LPIN1: variants seen among roughly 807,000 people sequenced by gnomAD.
The protein encoded by LPIN1 is lipin 1, also known as phosphatidate phosphatase LPIN1.
LPIN1 carries 71 observed loss-of-function variants against 107.5 expected under a neutral mutation model. The ratio of observed to expected loss-of-function variants is 0.66; its 90% CI spans 0.55 to 0.80. The LOEUF (loss-of-function observed/expected upper bound fraction) is 0.80, where lower values mean the gene tolerates loss of function less well. LPIN1 is among the 30% of genes least tolerant of loss of function. The pLI, the probability that LPIN1 is intolerant of heterozygous loss-of-function variation, is 0.00. For synonymous variants in LPIN1, 445 were observed against 452.6 expected (o/e 0.98, Z 0.21); for missense variants, 1,043 against 1,160.6 (o/e 0.90, Z 1.47).
rs1662638069 is a variant in LPIN1 at position 11,697,342 on chromosome 2, A to G, written c.82-16414A>G. ...CAGCCCTGAGCTCTGTCTTTGCTCC[A>G]GGCTGGAACAGCAAGCAAGCAGCTC... On this transcript the variant is annotated intron_variant, in intron 1 of 21. Coordinates refer to the LPIN1 transcript ENST00000449576. The surrounding 1 kb of genome is among the most constrained non-coding windows in gnomAD (Gnocchi z 4.6). Among the ~76,000 whole-genome samples the G allele has an allele frequency of 6.6e-6, 1 of 152,226 alleles. No homozygotes were observed. The highest frequency in any genetic ancestry group is 2.4e-5 in the African/African-American group (1 of 41,462).
chr2:11,772,405 C>A (rs977967381), intron 4 of LPIN1, among the ~76,000 whole-genome samples: 2 of 152,168 alleles, frequency 1.3e-5, no homozygotes, highest in Non-Finnish European at 2.9e-5. Context: ...TGGCTGATCG[C>A]TTTAGCAGCC....
rs530945546 is a variant in LPIN1 at position 11,753,197 on chromosome 2, A to G, written c.-10+6526A>G. Among the ~76,000 whole-genome samples the G allele has an allele frequency of 6.7e-5, 8 of 119,740 alleles. No homozygotes were observed. In the South Asian group the frequency reaches 1.9e-3, roughly 29 times the overall value. The allele number at this position is 119,740 out of a possible 152,430, so 78.6% of individuals were successfully genotyped here. A position where few individuals can be genotyped will look rare whatever the true frequency, so the allele number is the denominator to read the frequency against. ...AGCTGCAAAATTTCCCACCTGCCTA[A>G]CACAGGCAGGGCTTTGGTGGCGGGA... is the stretch of plus-strand genomic sequence containing the variant. On this transcript the variant is annotated intron_variant, in intron 1 of 20. Coordinates refer to ENST00000674199, the MANE Select transcript of LPIN1 (RefSeq NM_001349206.2).
chr2:11,760,743 G>A (rs1669689378), intron 1 of LPIN1, among the ~76,000 whole-genome samples: 1 of 152,144 alleles, frequency 6.6e-6, no homozygotes, highest in South Asian at 2.1e-4. Context: ...TGTTAATGCT[G>A]CCCTTATGTC....
chr2:11,693,497 C>T (rs182701994), intron 1 of LPIN1, among the ~76,000 whole-genome samples: 5 of 152,216 alleles, frequency 3.3e-5, no homozygotes, highest in Admixed American at 1.3e-4. Context: ...TCTGCATTCT[C>T]AACAAGCACC....
chr2:11,792,282 A>G, intron 13 of LPIN1: 2 of 342,858 alleles, frequency 5.8e-6, no homozygotes, highest in Non-Finnish European at 1.1e-5. Flanking sequence ...TTCGTCATCT[A>G]TAAAAGAAGG....
At chr2:11,724,022 T>C (rs1483986785), upstream of LPIN1, 1 of 152,252 alleles carries the variant, frequency 6.6e-6, no homozygotes, top group East Asian at 1.9e-4. Flanking sequence ...CTCAGTTTTT[T>C]GGAGTGCAGC....
intron 1 of LPIN1, among the ~76,000 whole-genome samples, chr2:11,736,934 G>A (rs1340756311): frequency 1.3e-5 from 2 of 152,242 alleles, no homozygotes; most frequent in African/African-American, 4.8e-5. Flanking sequence ...TGGACTACAA[G>A]GCTGGGGAAA....
intron 11 of LPIN1, among the ~76,000 whole-genome samples, chr2:11,787,551 C>T (rs943942390): frequency 6.6e-6 from 1 of 151,868 alleles, no homozygotes; most frequent in African/African-American, 2.4e-5. Context: ...CAGGTGTGAG[C>T]CACTACACCC....
chr2:11,779,418 G>C (rs1437599363), intron 6 of LPIN1, 101 bp from the exon 7 acceptor site: 6 of 1,243,814 alleles, frequency 4.8e-6, no homozygotes, highest in Non-Finnish European at 7.0e-6. Context: ...AACGACAGCT[G>C]GGGGTGCATT....
At chr2:11,764,072 GTGTGTGTATATATATATATA>G (rs1446897844) in intron 1 of LPIN1, 1 of 76,922 alleles carries the variant, frequency 1.3e-5, no homozygotes, top group Non-Finnish European at 2.6e-5. Context: ...GTGTGTGTGT[GTGTGTGTATATATATATATA>G]TATATATATA....
At position 11,755,103 on chromosome 2, in the gene LPIN1, C is replaced by T. The variant is rs182420871; in HGVS notation, c.-10+8432C>T. On this transcript the variant is annotated intron_variant, in intron 1 of 20. Transcript: ENST00000674199. ...GCCTCAGCCTCCCAAGTAGCTGGGA[C>T]TACAGGCGCCCGCCACCATGCCCGG... Among the ~76,000 whole-genome samples, 804 of 151,696 alleles carry T rather than the reference C, an allele frequency of 5.3e-3. 13 individuals carry two copies. The highest frequency in any genetic ancestry group is 0.018 in the African/African-American group (763 of 41,326).
At chr2:11,792,068 T>A in intron 13 of LPIN1, 62 bp downstream of exon 13, 1 of 1,346,386 alleles carries the variant, frequency 7.4e-7, no homozygotes, top group Non-Finnish European at 1.1e-6. Flanking sequence ...GTAGTGAGAT[T>A]GGTTTTCATG....
At chr2:11,822,061 A>G (rs1230186252) in intron 20 of LPIN1, among the ~76,000 whole-genome samples, 1 of 152,000 alleles carries the variant, frequency 6.6e-6, no homozygotes, top group East Asian at 1.9e-4. Flanking sequence ...CTGGGTTTCT[A>G]TTTAGGATCT....
At position 11,697,885 on chromosome 2, in the gene LPIN1, C is replaced by T. The variant is rs1662668797; in HGVS notation, c.82-15871C>T. 6.6e-6 allele frequency among the ~76,000 whole-genome samples: 1 copy of T among 152,146 alleles called. No homozygotes were observed. Among genetic ancestry groups the T allele is most frequent in the Non-Finnish European group, 1.5e-5 (1 of 68,028 alleles). ...GAGTGTGCTCAGAAATGCAGGTTCT[C>T]CCGAGGGGCAGCCCTCAGTCACAAG... On this transcript the variant is annotated intron_variant, in intron 1 of 21. Transcript: ENST00000449576. The surrounding 1 kb of genome is among the most constrained non-coding windows in gnomAD (Gnocchi z 4.6).
chr2:11,701,779 G>T (rs966273339), intron 1 of LPIN1, among the ~76,000 whole-genome samples: 1 of 152,210 alleles, frequency 6.6e-6, no homozygotes, highest in Non-Finnish European at 1.5e-5. Context: ...TAACCAGTCC[G>T]ATTCTAAAGC....
At chr2:11,811,017 G>A (rs1362175627) in intron 17 of LPIN1, among the ~76,000 whole-genome samples, 1 of 152,098 alleles carries the variant, frequency 6.6e-6, no homozygotes, top group Non-Finnish European at 1.5e-5. Context: ...AATGCTAGAG[G>A]AACAGGGGTG....
upstream of LPIN1, chr2:11,746,487 C>T (rs938660696): frequency 2.4e-5 from 5 of 211,474 alleles, no homozygotes; most frequent in South Asian, 3.4e-4. Context: ...CGGGCAGGGC[C>T]GGCCAGCAGG....
At chr2:11,746,790 CGG>C in intron 1 of LPIN1, 119 bp downstream of exon 1, 2 of 399,070 alleles carry the variant, frequency 5.0e-6, no homozygotes, top group Non-Finnish European at 6.8e-6. Flanking sequence ...GGCTCGGCCC[CGG>C]GGCCCGAGGA....
chr2:11,710,287 C>G (rs1247234770), intron 1 of LPIN1, among the ~76,000 whole-genome samples: 1 of 151,880 alleles, frequency 6.6e-6, no homozygotes, highest in Non-Finnish European at 1.5e-5. Context: ...GGTGGGGACA[C>G]AAATATTTAA....
Sources: allele counts gnomAD v4.1 joint callset (sites outside exome capture counted in the v4.1 genomes callset), GRCh38; gene constraint gnomAD v4.1.1; non-coding constraint Gnocchi (gnomAD v3.1); transcripts MANE v1.5; gene names NCBI Gene and HGNC (gene_info 2026-07-23, HGNC 2026-07-21).